Variants in SH2B1 observed in about 807,000 individuals in gnomAD.
SH2B1 encodes the protein SH2B adapter protein 1.
In SH2B1, 15 loss-of-function variants were observed where a neutral mutation model predicts 62.6. The observed-to-expected ratio is 0.24, with a 90% confidence interval of 0.16 to 0.37. The LOEUF (loss-of-function observed/expected upper bound fraction) is 0.37. Ranked by LOEUF, SH2B1 falls within the 10% of genes least tolerant of loss-of-function variation. The pLI, the probability that SH2B1 is intolerant of heterozygous loss-of-function variation, is 1.00. For missense variants in SH2B1, 925 were observed against 1,015.6 expected (o/e 0.91, Z 1.21); for synonymous variants, 443 against 438.0 (o/e 1.01, Z -0.14).
chr16:28,860,753 C>G (rs1049101793), upstream of SH2B1, among the ~76,000 whole-genome samples: 6 of 152,138 alleles, frequency 3.9e-5, no homozygotes, highest in Non-Finnish European at 8.8e-5. Context: ...ATCTTATACT[C>G]ACTCCCACAC....
intron 1 of SH2B1, among the ~76,000 whole-genome samples, chr16:28,852,039 C>A (rs1962109778): frequency 6.7e-6 from 1 of 148,496 alleles, no homozygotes; most frequent in Non-Finnish European, 1.5e-5. Context: ...TGCACTCCAA[C>A]CTGGGCGACA....
At chr16:28,855,166 C>T (rs1325788924) in intron 1 of SH2B1, among the ~76,000 whole-genome samples, 2 of 151,644 alleles carry the variant, frequency 1.3e-5, no homozygotes, top group African/African-American at 2.4e-5. Flanking sequence ...TGTGAGACAC[C>T]ATGCCTTTCC....
At chr16:28,869,979 C>T (rs1962943385) in intron 4 of SH2B1, among the ~76,000 whole-genome samples, 1 of 152,220 alleles carries the variant, frequency 6.6e-6, no homozygotes, top group African/African-American at 2.4e-5. Flanking sequence ...ATCATGGAAT[C>T]TTAGATCTAG....
upstream of SH2B1, chr16:28,863,501 G>T (rs1374982843): frequency 8.2e-6 from 5 of 612,822 alleles, no homozygotes; most frequent in East Asian, 9.0e-5. Flanking sequence ...CATCTCGCTG[G>T]TTTCCGGTGC....
intron 2 of SH2B1, 52 bp downstream of exon 2, chr16:28,867,484 C>T (rs1424681120): frequency 2.9e-6 from 4 of 1,393,514 alleles, no homozygotes; most frequent in Non-Finnish European, 4.1e-6. Context: ...AGGAGAAAGC[C>T]CTCAGCGCAT....
At chr16:28,848,607 G>A (rs973983283) in intron 1 of SH2B1, among the ~76,000 whole-genome samples, 3 of 151,402 alleles carry the variant, frequency 2.0e-5, no homozygotes, top group Non-Finnish European at 4.4e-5. Context: ...AAAACTGACG[G>A]TCAGGGTGAT....
chr16:28,852,770 T>TA (rs1962184620), intron 1 of SH2B1, among the ~76,000 whole-genome samples: 1 of 60,476 alleles, frequency 1.7e-5, no homozygotes. Flanking sequence ...ATATATATAT[T>TA]TATATATATA....
intron 4 of SH2B1, among the ~76,000 whole-genome samples, chr16:28,870,028 C>T (rs1043484841): frequency 1.3e-5 from 2 of 152,206 alleles, no homozygotes; most frequent in African/African-American, 4.8e-5. Context: ...GTAGCTAAGA[C>T]CAGGGAGAGG....
At chr16:28,868,725 G>A (rs914855248) in intron 2 of SH2B1, among the ~76,000 whole-genome samples, 1 of 152,058 alleles carries the variant, frequency 6.6e-6, no homozygotes, top group Non-Finnish European at 1.5e-5. Context: ...CAAAGTGCTG[G>A]GATTACAGGT....
rs376805089 is a variant in SH2B1 at position 28,872,741 on chromosome 16, G to A, written c.1897+36G>A. On this transcript the variant is annotated intron_variant, in intron 7 of 7. Transcript: ENST00000684370. This position sits in a 1 kb window ranked among gnomAD's most constrained non-coding sequence, Gnocchi z 5.3. ...CAGGTCTGCAGGGGAGGAGGTGCCCGTGCACCCAAGAAGTGAGGTGTGTGT... is the reference window on the plus strand; with the variant it reads ...CAGGTCTGCAGGGGAGGAGGTGCCCATGCACCCAAGAAGTGAGGTGTGTGT... 4.8e-5 allele frequency: 77 copies of A among 1,611,446 alleles called. No individual in the cohort carries two copies. Among genetic ancestry groups the A allele is most frequent in the Admixed American group, 1.5e-4 (9 of 59,500 alleles).
chr16:28,863,618 C>G, upstream of SH2B1: 1 of 1,467,030 alleles, frequency 6.8e-7, no homozygotes, highest in Non-Finnish European at 9.2e-7. Context: ...CGGGAGGACG[C>G]TCTGGTGGGA....
rs772470854 is a variant in SH2B1 at position 28,873,279 on chromosome 16, G to A, written c.1898-168G>A. 2.5e-6 allele frequency: 4 copies of A among 1,604,988 alleles called. No individual in the cohort carries two copies. The highest frequency in any genetic ancestry group is 3.4e-6 in the Non-Finnish European group (4 of 1,176,702). On this transcript the variant is annotated intron_variant, in intron 7 of 7. Transcript: ENST00000684370. This position sits in a 1 kb window ranked among gnomAD's most constrained non-coding sequence, Gnocchi z 4.2. ...GAGCGAGTGACTGTGTGTAAGTGTGGTCCTCCTCTCACCACCGCCCATGAT... is the reference window on the plus strand; with the variant it reads ...GAGCGAGTGACTGTGTGTAAGTGTGATCCTCCTCTCACCACCGCCCATGAT...
chr16:28,873,545 G>A lies in SH2B1; in HGVS notation c.1996G>A (p.Val666Met). The part of the protein sequence containing the change: ...GAEEASRAPE[V>M]AAAAAAAAKE... ...AGAAGAGGCGTCGAGGGCGCCAGAA[G>A]TGGCGGCAGCAGCAGCCGCAGCAGC... Residue 666 changes from valine (V) to methionine (M), a missense_variant, in exon 8 of 8, where the codon GTG (valine) becomes ATG (methionine). By Grantham distance (21) the Val-to-Met change is conservative. Around this residue, in one of 3 missense-constraint regions of SH2B1, gnomAD observed 185 missense variants for 189.5 expected, o/e 0.98. Coordinates refer to ENST00000684370, the MANE Select transcript of SH2B1 (RefSeq NM_001387430.1). This position sits in a 1 kb window ranked among gnomAD's most constrained non-coding sequence, Gnocchi z 4.2. The A allele has an allele frequency of 1.2e-6, 2 of 1,604,576 alleles. No homozygotes were observed. The highest frequency in any genetic ancestry group is 1.7e-6 in the Non-Finnish European group (2 of 1,176,228).
chr16:28,867,267 G>T lies in SH2B1; in HGVS notation c.940-64G>T. On this transcript the variant is annotated intron_variant, in intron 1 of 7. Transcript: ENST00000684370. ...ATGTAGAAGGAAAGATGAATGTCTG[G>T]AGGGAGGGGAAGAGTGGTCTTTGGA... 5 of 1,357,070 alleles carry T rather than the reference G, an allele frequency of 3.7e-6. No homozygotes were observed. In the South Asian group the frequency reaches 5.8e-5, roughly 16 times the overall value. 84.1% of individuals were successfully genotyped at this position (1,357,070 alleles called of 1,614,324 possible). A position where few individuals can be genotyped will look rare whatever the true frequency, so the allele number is the denominator to read the frequency against.
At position 28,866,104 on chromosome 16, in the gene SH2B1, G is replaced by T; in HGVS notation, c.10G>T (p.Ala4Ser). 1 of 1,568,692 alleles carries T rather than the reference G, an allele frequency of 6.4e-7. No homozygotes were observed. The change falls in exon 1 of 8, where the codon GCC (alanine) becomes TCC (serine). Residue 4 changes from alanine to serine, a missense_variant. This residue lies in a region of SH2B1 where 683 missense variants were observed against 704.0 expected (regional missense o/e 0.97). Transcript: ENST00000684370. This position sits in a 1 kb window ranked among gnomAD's most constrained non-coding sequence, Gnocchi z 6.3. ...CCTCCTGGGGCCCATCATGAATGGT[G>T]CCCCTTCCCCAGAGGACGGGGCCTC... is the stretch of plus-strand genomic sequence containing the variant. MNG[A>S]PSPEDGASPS...
rs1962888988 is a variant in SH2B1 at position 28,869,081 on chromosome 16, G to A, written c.1117G>A (p.Glu373Lys). The change falls in exon 3 of 8, where the codon GAA becomes AAA. Residue 373 changes from glutamate to lysine, a missense_variant. Coordinates refer to ENST00000684370, the MANE Select transcript of SH2B1 (RefSeq NM_001387430.1). ...GAAGGCCTGGGTGTCTGACATCCAA[G>A]AATGCCTGAGCCCAGGGTGAGAAGC... ...HVKAWVSDIQECLSPGPCPAT... is the reference protein window; with the variant it reads ...HVKAWVSDIQKCLSPGPCPAT... 1 of 1,614,190 alleles carries A rather than the reference G, an allele frequency of 6.2e-7. No homozygotes were observed. Among genetic ancestry groups the A allele is most frequent in the East Asian group, 2.2e-5 (1 of 44,884 alleles).
chr16:28,866,986 G>A lies in SH2B1; in HGVS notation c.892G>A (p.Gly298Arg), dbSNP rs762991282. Residue 298 changes from glycine to arginine, a missense_variant, in exon 1 of 8, where the codon GGA (glycine) becomes AGA (arginine). Transcript: ENST00000684370. This position sits in a 1 kb window ranked among gnomAD's most constrained non-coding sequence, Gnocchi z 6.3. ...QKCRLLLRSE[G>R]EGGGGSRLEF... ...GTGTCGCCTGCTGCTTCGAAGTGAA[G>A]GAGAAGGAGGAGGAGGAAGTCGCCT... 3.7e-6 allele frequency: 6 copies of A among 1,603,666 alleles called. No homozygotes were observed. The East Asian group carries it at 1.3e-4, about 36-fold the overall frequency.
At chr16:28,863,660 G>A (rs774733175), upstream of SH2B1, 263 of 1,532,758 alleles carry the variant, frequency 1.7e-4, no homozygotes, top group Non-Finnish European at 2.2e-4. Flanking sequence ...GTCTGTGGTC[G>A]CTTTTAGGTG....
chr16:28,854,249 C>A (rs546513270), intron 1 of SH2B1, among the ~76,000 whole-genome samples: 1 of 151,798 alleles, frequency 6.6e-6, no homozygotes, highest in Non-Finnish European at 1.5e-5. Context: ...TGCAATGAGC[C>A]GTGATCACAC....
Sources: gnomAD v4.1 joint callset for allele counts (sites outside exome capture counted in the v4.1 genomes callset) on GRCh38, gnomAD v4.1.1 for gene constraint, gnomAD v4.1.1 regional missense constraint, Gnocchi (gnomAD v3.1) non-coding constraint, MANE v1.5 for transcripts, NCBI Gene and HGNC (gene_info 2026-07-23, HGNC 2026-07-21) for gene names.